The following IGFN1 variants were observed in gnomAD, a reference collection of about 807,000 sequenced individuals.
The protein encoded by IGFN1 is immunoglobulin like and fibronectin type III domain containing 1.
In IGFN1, 253 loss-of-function variants were observed where a neutral mutation model predicts 289.5. That is an observed-to-expected ratio of 0.87 (90% CI 0.79 to 0.97). The LOEUF (loss-of-function observed/expected upper bound fraction) is 0.97. Among genes scored for constraint, IGFN1 ranks in the 50% least tolerant of loss-of-function variants. IGFN1 has a pLI of 0.00. For synonymous variants in IGFN1, 1,706 were observed against 1,788.5 expected (o/e 0.95, Z 1.16); for missense variants, 4,470 against 4,686.1 (o/e 0.95, Z 1.35).
chr1:201,216,437 T>A lies in IGFN1; in HGVS notation c.9296-17T>A. ...CTCTGACCCCTCCTCTTCCCGCTCCTCTCTGTGGGTCCCCAGACAAGCCTG... is the reference window on the plus strand; with the variant it reads ...CTCTGACCCCTCCTCTTCCCGCTCCACTCTGTGGGTCCCCAGACAAGCCTG... On this transcript the variant is annotated splice_polypyrimidine_tract_variant and intron_variant, in intron 15 of 23. Coordinates refer to ENST00000335211, the MANE Select transcript of IGFN1 (RefSeq NM_001164586.2). 2.6e-6 allele frequency: 4 copies of A among 1,529,470 alleles called. No individual in the cohort carries two copies. The highest frequency in any genetic ancestry group is 3.5e-6 in the Non-Finnish European group (4 of 1,143,542). The allele number at this position is 1,529,470 out of a possible 1,614,324, so 94.7% of individuals were successfully genotyped here.
rs1653180092 is a variant in IGFN1 at position 201,215,575 on chromosome 1, T to C, written c.9032T>C (p.Leu3011Pro). ...ATTGCTCCAGATGTGACAGAGAAAC[T>C]GAGAGAGCCACTGGTGGTCAAGGCT... Reference protein sequence around the residue: ...PTIAPDVTEKLREPLVVKAGK... With the variant: ...PTIAPDVTEKPREPLVVKAGK... The change falls in exon 15 of 24, where the codon CTG (leucine) becomes CCG (proline). Residue 3011 changes from leucine to proline, a missense_variant. By Grantham distance (98) the Leu-to-Pro change is moderately conservative. Transcript: ENST00000335211. The C allele has an allele frequency of 6.2e-7, 1 of 1,604,018 alleles. No individual in the cohort carries two copies. The highest frequency in any genetic ancestry group is 8.5e-7 in the Non-Finnish European group (1 of 1,175,252).
In IGFN1 at chr1:201,218,616, C is replaced by G. The variant is rs769689663; in HGVS notation, c.9856C>G (p.Pro3286Ala). 1.9e-6 allele frequency: 3 copies of G among 1,611,832 alleles called. No individual in the cohort carries two copies. The highest frequency in any genetic ancestry group is 1.3e-5 in the African/African-American group (1 of 75,012). ...TAVAPSGPGEPGPPSDAVFAR... is the reference protein window; with the variant it reads ...TAVAPSGPGEAGPPSDAVFAR... ...TGTGGCTCCCTCAGGTCCCGGAGAG[C>G]CTGGACCTCCATCGGATGCTGTCTT... is the stretch of plus-strand genomic sequence containing the variant. Residue 3286 changes from proline (P) to alanine (A), a missense_variant, in exon 18 of 24, where the codon CCT becomes GCT. Coordinates refer to ENST00000335211, the MANE Select transcript of IGFN1 (RefSeq NM_001164586.2).
At chr1:201,216,223 G>T in intron 15 of IGFN1, 1 of 602,154 alleles carries the variant, frequency 1.7e-6, no homozygotes, top group South Asian at 2.0e-5. Context: ...GCATTCCATG[G>T]CACATCCCTG....
At position 201,226,978 on chromosome 1, in the gene IGFN1, G is replaced by T. The variant is rs748952809; in HGVS notation, c.10883G>T (p.Gly3628Val). ...CTGCGGTCCCACCTGCTGCCCCAGGGCTGCGAGTGCTGCATGAGCTGTGCC... is the reference window on the plus strand; with the variant it reads ...CTGCGGTCCCACCTGCTGCCCCAGGTCTGCGAGTGCTGCATGAGCTGTGCC... ...VGLRSHLLPQ[G>V]CECCMSCAVQ... Residue 3628 changes from glycine to valine, a missense_variant, in exon 23 of 24, where the codon GGC becomes GTC. Gly to Val is a moderately radical substitution (Grantham distance 109, BLOSUM62 -3). Transcript: ENST00000335211. 2 of 1,613,076 alleles carry T rather than the reference G, an allele frequency of 1.2e-6. No individual in the cohort carries two copies. The highest frequency in any genetic ancestry group is 1.7e-6 in the Non-Finnish European group (2 of 1,179,998).
intron 21 of IGFN1, 65 bp downstream of exon 21, chr1:201,224,939 CCA>C: frequency 8.0e-7 from 1 of 1,247,888 alleles, no homozygotes; most frequent in Non-Finnish European, 1.1e-6. Context: ...AAAGAGGTGT[CCA>C]CTGGTCTGAT....
chr1:201,215,527 T>C lies in IGFN1; in HGVS notation c.8996-12T>C. 1 of 1,543,704 alleles carries C rather than the reference T, an allele frequency of 6.5e-7. No individual in the cohort carries two copies. Among genetic ancestry groups the C allele is most frequent in the Non-Finnish European group, 8.7e-7 (1 of 1,143,722 alleles). On this transcript the variant is annotated splice_polypyrimidine_tract_variant and intron_variant, in intron 14 of 23. Coordinates refer to ENST00000335211, the MANE Select transcript of IGFN1 (RefSeq NM_001164586.2). Reference sequence around the variant, plus strand: ...GCCCTGGTCTTCCTTGACTCTCTTGTTTTATTTCTAGATTCCCCTACCATT... The same window carrying C: ...GCCCTGGTCTTCCTTGACTCTCTTGCTTTATTTCTAGATTCCCCTACCATT...
intron 8 of IGFN1, among the ~76,000 whole-genome samples, chr1:201,201,429 G>A (rs1212091999): frequency 6.6e-6 from 1 of 152,176 alleles, no homozygotes; most frequent in African/African-American, 2.4e-5. Context: ...TTTGCACACG[G>A]TAGGTGTTCA....
chr1:201,201,914 C>A lies in IGFN1; in HGVS notation c.747+82C>A. ...TGGAGAGGGAACTATGGGTACCCTGCATTCCTCCAAGGGAACAACCAGAGC... is the reference window on the plus strand; with the variant it reads ...TGGAGAGGGAACTATGGGTACCCTGAATTCCTCCAAGGGAACAACCAGAGC... On this transcript the variant is annotated intron_variant, in intron 9 of 23. Coordinates refer to ENST00000335211, the MANE Select transcript of IGFN1 (RefSeq NM_001164586.2). The A allele has an allele frequency of 6.9e-6, 5 of 726,474 alleles. 1 individual carries two copies. Among genetic ancestry groups the A allele is most frequent in the South Asian group, 6.4e-5 (4 of 62,306 alleles). 45.0% of individuals were successfully genotyped at this position (726,474 alleles called of 1,614,324 possible).
At position 201,224,685 on chromosome 1, in the gene IGFN1, C is replaced by T. The variant is rs781014533; in HGVS notation, c.10297C>T (p.Pro3433Ser). The T allele has an allele frequency of 4.3e-6, 7 of 1,613,706 alleles. No homozygotes were observed. In the South Asian group the frequency reaches 5.5e-5, roughly 13 times the overall value. Residue 3433 changes from proline to serine, a missense_variant, in exon 21 of 24, where the codon CCC (proline) becomes TCC (serine). Around this residue, in one of 8 missense-constraint regions of IGFN1, gnomAD observed 2,218 missense variants for 2,114.1 expected, o/e 1.05. Transcript: ENST00000335211. ...VRVPVSFEAM[P>S]MPEVTWLKDG... ...CCTTCCTCTCCTTTCTCAGGCCATGCCCATGCCTGAGGTGACCTGGCTGAA... is the reference window on the plus strand; with the variant it reads ...CCTTCCTCTCCTTTCTCAGGCCATGTCCATGCCTGAGGTGACCTGGCTGAA...
In IGFN1 at chr1:201,211,360, G is replaced by A. The variant is rs1238090880; in HGVS notation, c.6467G>A (p.Ser2156Asn). 4.7e-6 allele frequency: 7 copies of A among 1,491,608 alleles called. No individual in the cohort carries two copies. The East Asian group carries it at 1.3e-4, about 29-fold the overall frequency. 92.4% of individuals were successfully genotyped at this position (1,491,608 alleles called of 1,614,324 possible). A position where few individuals can be genotyped will look rare whatever the true frequency, so the allele number is the denominator to read the frequency against. ...GCTCCTAAGGGAATGGGTTCAGAGAGTAAGGCAGGTTTTAGGGATGGTTTA... is the reference window on the plus strand; with the variant it reads ...GCTCCTAAGGGAATGGGTTCAGAGAATAAGGCAGGTTTTAGGGATGGTTTA... ...LGAPKGMGSESKAGFRDGLGS... is the reference protein window; with the variant it reads ...LGAPKGMGSENKAGFRDGLGS... Residue 2156 changes from serine (S) to asparagine (N), a missense_variant, in exon 12 of 24, where the codon AGT becomes AAT. Transcript: ENST00000335211.
chr1:201,212,964 T>C lies in IGFN1; in HGVS notation c.8071T>C (p.Ser2691Pro). The change falls in exon 12 of 24, where the codon TCC (serine) becomes CCC (proline). Residue 2691 changes from serine to proline, a missense_variant. Coordinates refer to ENST00000335211, the MANE Select transcript of IGFN1 (RefSeq NM_001164586.2). ...GGCTGGTGGATGCCGAAGCCCATGGTCCCTGGATAGCAAAGGTTCAAGTCC... is the reference window on the plus strand; with the variant it reads ...GGCTGGTGGATGCCGAAGCCCATGGCCCCTGGATAGCAAAGGTTCAAGTCC... Reference protein sequence around the residue: ...EAAGGCRSPWSLDSKGSSPGR... With the variant: ...EAAGGCRSPWPLDSKGSSPGR... 6.4e-7 allele frequency: 1 copy of C among 1,551,348 alleles called. No homozygotes were observed. Among genetic ancestry groups the C allele is most frequent in the East Asian group, 2.4e-5 (1 of 40,902 alleles).
In IGFN1 at chr1:201,209,042, G is replaced by A. The variant is rs1228068091; in HGVS notation, c.4149G>A (p.Gly1383=). Residue 1383 remains glycine, a synonymous_variant, in exon 12 of 24, where the codon GGG becomes GGA. Coordinates refer to ENST00000335211, the MANE Select transcript of IGFN1 (RefSeq NM_001164586.2). The stretch of plus-strand genomic sequence containing the variant: ...AAACAGATAATAGGAAAGATTTGGG[G>A]GTTCCTGAGGGAATGGGTGCAGGTT... The part of the protein sequence containing the change: ...MDETDNRKDL[G]VPEGMGAGYR... 141 of 1,536,626 alleles carry A rather than the reference G, an allele frequency of 9.2e-5. No individual in the cohort carries two copies. The highest frequency in any genetic ancestry group is 6.1e-6 in the Non-Finnish European group (7 of 1,146,804).
chr1:201,193,497 G>T (rs1666752638), intron 2 of IGFN1, among the ~76,000 whole-genome samples, 197 bp downstream of exon 2: 1 of 151,982 alleles, frequency 6.6e-6, no homozygotes, highest in Non-Finnish European at 1.5e-5. Context: ...TGTTGCCCAG[G>T]CTGGAGTACA....
intron 19 of IGFN1, 32 bp downstream of exon 19, chr1:201,221,778 C>T (rs368001469): frequency 1.3e-6 from 2 of 1,529,342 alleles, no homozygotes; most frequent in South Asian, 1.3e-5. Flanking sequence ...GACCCCTGAG[C>T]CCTGCAGGCC....
chr1:201,200,797 A>G (rs1399495802), intron 8 of IGFN1, among the ~76,000 whole-genome samples: 1 of 150,638 alleles, frequency 6.6e-6, no homozygotes, highest in African/African-American at 2.4e-5. Context: ...CATTGTCACC[A>G]GATTGCGGGG....
At chr1:201,216,061 A>G in intron 15 of IGFN1, 1 of 715,958 alleles carries the variant, frequency 1.4e-6, no homozygotes, top group South Asian at 1.5e-5. Flanking sequence ...GGAGCCGGTT[A>G]TGCTTCTCTG....
chr1:201,200,346 G>T lies in IGFN1; in HGVS notation c.568G>T (p.Asp190Tyr). 6.4e-7 allele frequency: 1 copy of T among 1,551,756 alleles called. No homozygotes were observed. The highest frequency in any genetic ancestry group is 8.7e-7 in the Non-Finnish European group (1 of 1,146,996). ...GATCTGCTTGAAGTATGGCATCGTC[G>T]ACTACCGTGGCATGTTGCGCAGGCT... is the stretch of plus-strand genomic sequence containing the variant. Reference protein sequence around the residue: ...EKICLKYGIVDYRGMLRRLQE... With the variant: ...EKICLKYGIVYYRGMLRRLQE... Residue 190 changes from aspartate (D) to tyrosine (Y), a missense_variant, in exon 8 of 24, where the codon GAC (aspartate) becomes TAC (tyrosine). Transcript: ENST00000335211.
Position 201,221,598 on chromosome 1 carries a change from C to G in IGFN1, c.10053C>G (p.Cys3351Trp). ...CSSDSLQWLP[C>W]HVGTVPVTTY... ...CAGACAGTCTCCAGTGGCTCCCGTG[C>G]CATGTGGGCACCGTGCCAGTCACCA... The change falls in exon 19 of 24, where the codon TGC (cysteine) becomes TGG (tryptophan). Residue 3351 changes from cysteine (C) to tryptophan (W), a missense_variant. This residue lies in a region of IGFN1 where 2,218 missense variants were observed against 2,114.1 expected (regional missense o/e 1.05). Transcript: ENST00000335211. The G allele has an allele frequency of 6.2e-7, 1 of 1,614,168 alleles. No individual in the cohort carries two copies. The highest frequency in any genetic ancestry group is 8.5e-7 in the Non-Finnish European group (1 of 1,180,006).
intron 20 of IGFN1, among the ~76,000 whole-genome samples, chr1:201,223,660 A>C (rs1558160854): frequency 6.6e-6 from 1 of 152,160 alleles, no homozygotes; most frequent in Non-Finnish European, 1.5e-5. Flanking sequence ...AGTGTGAGCC[A>C]CTGTGCCCAG....
Sources: gnomAD v4.1 joint callset for allele counts (sites outside exome capture counted in the v4.1 genomes callset) on GRCh38, gnomAD v4.1.1 for gene constraint, gnomAD v4.1.1 regional missense constraint, MANE v1.5 for transcripts, NCBI Gene and HGNC (gene_info 2026-07-23, HGNC 2026-07-21) for gene names.